Variants in FSTL5 observed in about 807,000 individuals in gnomAD.
FSTL5 encodes follistatin-related protein 5.
Under a neutral mutation model 89.1 loss-of-function variants are expected in FSTL5, and 62 were observed. That is an observed-to-expected ratio of 0.70 (90% confidence interval 0.57 to 0.86). The LOEUF is 0.86. Ranked by LOEUF, FSTL5 falls within the 40% of genes least tolerant of loss-of-function variation. The pLI, the probability that FSTL5 is intolerant of heterozygous loss-of-function variation, is 0.00. For missense variants in FSTL5, 1,057 were observed against 1,001.6 expected, an observed-to-expected ratio of 1.06 and a Z score of -0.75; for synonymous variants, 383 against 346.2, an observed-to-expected ratio of 1.11 and a Z score of -1.18.
intron 15 of FSTL5, among the ~76,000 whole-genome samples, chr4:161,419,009 C>T (rs1419944824): frequency 6.6e-6 from 1 of 151,966 alleles, no homozygotes; most frequent in East Asian, 1.9e-4. Flanking sequence ...ATAAGAGTCA[C>T]TCATCATCTC....
At chr4:161,521,486 T>A (rs1731018932) in intron 10 of FSTL5, among the ~76,000 whole-genome samples, 1 of 152,052 alleles carries the variant, frequency 6.6e-6, no homozygotes, top group Non-Finnish European at 1.5e-5. Context: ...AGAACCACAA[T>A]TTTTCTCCTT....
intron 3 of FSTL5, among the ~76,000 whole-genome samples, chr4:161,962,349 T>G (rs1221406322): frequency 6.6e-6 from 1 of 152,010 alleles, no homozygotes; most frequent in African/African-American, 2.4e-5. Flanking sequence ...TATAATTATT[T>G]TGATACGAAT....
At chr4:161,501,638 T>C (rs1730296428) in intron 11 of FSTL5, among the ~76,000 whole-genome samples, 1 of 152,032 alleles carries the variant, frequency 6.6e-6, no homozygotes, top group South Asian at 2.1e-4. Flanking sequence ...TCTTTAATAG[T>C]TAATTATCCA....
intron 1 of FSTL5, among the ~76,000 whole-genome samples, chr4:162,153,721 A>AATATATATGTATATT (rs36137019): frequency 9.5e-6 from 1 of 105,450 alleles, no homozygotes; most frequent in Non-Finnish European, 1.9e-5. Flanking sequence ...TGTATATAAT[A>AATATATATGTATATT]ATATATGTAT....
chr4:162,086,877 A>T (rs1162821683), intron 2 of FSTL5, among the ~76,000 whole-genome samples: 1 of 152,144 alleles, frequency 6.6e-6, no homozygotes, highest in Admixed American at 6.6e-5. Context: ...TATATCTGAT[A>T]GTTTGGTTAA....
At chr4:161,784,437 T>A (rs969868152) in intron 4 of FSTL5, among the ~76,000 whole-genome samples, 1 of 152,064 alleles carries the variant, frequency 6.6e-6, no homozygotes, top group East Asian at 1.9e-4. Flanking sequence ...AAAAAGTAAA[T>A]CTATGACTGC....
intron 3 of FSTL5, among the ~76,000 whole-genome samples, chr4:161,946,014 T>C (rs1734724164): frequency 6.6e-6 from 1 of 152,182 alleles, no homozygotes; most frequent in South Asian, 2.1e-4. Context: ...TATTGCATTT[T>C]CATTTGCATA....
intron 3 of FSTL5, among the ~76,000 whole-genome samples, chr4:161,936,836 G>T (rs1188876721): frequency 1.3e-5 from 2 of 152,146 alleles, no homozygotes; most frequent in Non-Finnish European, 2.9e-5. Flanking sequence ...TGGCAGGAAT[G>T]TTGAAAGCCA....
intron 3 of FSTL5, among the ~76,000 whole-genome samples, chr4:162,023,245 A>G (rs1737160441): frequency 6.6e-6 from 1 of 152,080 alleles, no homozygotes; most frequent in Admixed American, 6.6e-5. Flanking sequence ...CGATTTTTTA[A>G]TTTTGTTCAG....
At chr4:162,031,411 T>G (rs767064383) in intron 3 of FSTL5, among the ~76,000 whole-genome samples, 12 of 152,236 alleles carry the variant, frequency 7.9e-5, no homozygotes, top group Non-Finnish European at 1.6e-4. Flanking sequence ...TATTTGATTT[T>G]CAGAATTTTT....
At position 161,449,382 on chromosome 4, in the gene FSTL5, T is replaced by C. The variant is rs139797374; in HGVS notation, c.1841+5622A>G. On this transcript the variant is annotated intron_variant, in intron 15 of 15. Transcript: ENST00000306100. ...AGATTGATTTCTATAAAAATATAAC[T>C]CAAAAAATGAGAAAAGTGGTTTGAA... Among the ~76,000 whole-genome samples, 668 of 152,208 alleles carry C rather than the reference T, an allele frequency of 4.4e-3. 5 individuals carry two copies. The highest frequency in any genetic ancestry group is 0.016 in the African/African-American group (653 of 41,532).
At chr4:161,666,004 T>C (rs1197907228) in intron 6 of FSTL5, among the ~76,000 whole-genome samples, 1 of 152,104 alleles carries the variant, frequency 6.6e-6, no homozygotes, top group African/African-American at 2.4e-5. Context: ...GAGAAAGATT[T>C]TGTTAACAAG....
At chr4:161,488,250 G>A (rs1332253419) in intron 12 of FSTL5, among the ~76,000 whole-genome samples, 1 of 151,936 alleles carries the variant, frequency 6.6e-6, no homozygotes, top group Non-Finnish European at 1.5e-5. Context: ...AATATCATAA[G>A]TAGTCTTTCT....
intron 3 of FSTL5, among the ~76,000 whole-genome samples, chr4:162,006,869 T>C (rs1025575120): frequency 1.3e-5 from 2 of 151,918 alleles, no homozygotes; most frequent in Non-Finnish European, 2.9e-5. Context: ...AATAGTCACA[T>C]GGTTTTGGAG....
intron 3 of FSTL5, among the ~76,000 whole-genome samples, chr4:162,010,344 G>A (rs1044162677): frequency 6.6e-6 from 1 of 152,026 alleles, no homozygotes; most frequent in African/African-American, 2.4e-5. Flanking sequence ...GTAATTCAGA[G>A]ATACATTTGA....
intron 3 of FSTL5, among the ~76,000 whole-genome samples, chr4:161,936,354 T>C (rs1734432064): frequency 6.6e-6 from 1 of 152,198 alleles, no homozygotes; most frequent in African/African-American, 2.4e-5. Flanking sequence ...TACTATGGTA[T>C]ATTGAAGATA....
At chr4:161,402,999 G>C (rs748735811) in intron 15 of FSTL5, among the ~76,000 whole-genome samples, 19 of 150,744 alleles carry the variant, frequency 1.3e-4, no homozygotes, top group Admixed American at 7.3e-4. Flanking sequence ...TTTTTTTTTT[G>C]TTTGTATTTT....
chr4:161,935,958 G>A (rs1429485735), intron 3 of FSTL5, among the ~76,000 whole-genome samples: 2 of 152,170 alleles, frequency 1.3e-5, no homozygotes, highest in Non-Finnish European at 2.9e-5. Context: ...CAAGGCAGGA[G>A]TGTCACCTGA....
In FSTL5 at chr4:161,628,324, T is replaced by G. The variant is rs536862856; in HGVS notation, c.894+28004A>C. Among the ~76,000 whole-genome samples the G allele has an allele frequency of 2.0e-3, 306 of 152,006 alleles. 1 individual carries two copies. Among genetic ancestry groups the G allele is most frequent in the Non-Finnish European group, 3.3e-3 (222 of 67,914 alleles). On this transcript the variant is annotated intron_variant, in intron 7 of 15. Coordinates refer to ENST00000306100, the MANE Select transcript of FSTL5 (RefSeq NM_020116.5). ...TGTAGATTATTCTAGTTGTAGTAAA[T>G]TATTTTAAAAAGCAAGAAAAAATTG...
Sources: gnomAD v4.1 joint callset for allele counts (sites outside exome capture counted in the v4.1 genomes callset) on GRCh38, gnomAD v4.1.1 for gene constraint, MANE v1.5 for transcripts, NCBI Gene and HGNC (gene_info 2026-07-23, HGNC 2026-07-21) for gene names.